Variants in MSMB observed in about 807,000 individuals in gnomAD.
MSMB encodes the protein beta-microseminoprotein.
MSMB carries 10 observed loss-of-function variants against 10.5 expected under a neutral mutation model. The observed-to-expected ratio is 0.95, with a 90% CI of 0.59 to 1.62. The LOEUF is 1.62. Ranked by LOEUF, MSMB falls within the 40% of genes most tolerant of loss-of-function variation. The pLI, the probability that MSMB is intolerant of heterozygous loss-of-function variation, is 0.00. For missense variants in MSMB, 126 were observed against 137.4 expected, an observed-to-expected ratio of 0.92 and a Z score of 0.42; for synonymous variants, 43 against 46.5, an observed-to-expected ratio of 0.93 and a Z score of 0.30.
intron 3 of MSMB, among the ~76,000 whole-genome samples, chr10:46,035,003 A>G (rs562663559): frequency 6.6e-6 from 1 of 152,230 alleles, no homozygotes; most frequent in Admixed American, 6.5e-5. Context: ...ATAAATAAAT[A>G]AAAATAGAAT....
At chr10:46,039,420 G>A (rs1163200707) in intron 2 of MSMB, among the ~76,000 whole-genome samples, 1 of 152,190 alleles carries the variant, frequency 6.6e-6, no homozygotes, top group Non-Finnish European at 1.5e-5. Context: ...CTCTGGATGA[G>A]AATCTCACTT....
At position 46,033,590 on chromosome 10, in the gene MSMB, A is replaced by G. The variant is rs782578603; in HGVS notation, c.216-39T>C. ...AAAACTGGGGCCTGTTAGAAGAGAAAGGACCCCGAGCACCCCCTCCCCAGT... is the reference window on the plus strand; with the variant it reads ...AAAACTGGGGCCTGTTAGAAGAGAAGGGACCCCGAGCACCCCCTCCCCAGT... On this transcript the variant is annotated intron_variant, in intron 3 of 3. Coordinates refer to ENST00000582163, the MANE Select transcript of MSMB (RefSeq NM_002443.4). The G allele has an allele frequency of 3.7e-6, 6 of 1,607,914 alleles. No homozygotes were observed. The Admixed American group carries it at 5.0e-5, about 13-fold the overall frequency.
chr10:46,039,074 A>G lies in MSMB; in HGVS notation c.110-3T>C. 2.5e-6 allele frequency: 4 copies of G among 1,612,662 alleles called. No individual in the cohort carries two copies. The highest frequency in any genetic ancestry group is 1.7e-4 in the Middle Eastern group (1 of 6,056). On this transcript the variant is annotated splice_polypyrimidine_tract_variant and splice_region_variant and intron_variant, in intron 2 of 3. Transcript: ENST00000582163. ...GTTTCCTTTGAGATCCATGCATTCTAAAATAATACACACAACATCATCAGT... is the reference window on the plus strand; with the variant it reads ...GTTTCCTTTGAGATCCATGCATTCTGAAATAATACACACAACATCATCAGT...
At chr10:46,045,130 C>A (rs73318181) in intron 1 of MSMB, among the ~76,000 whole-genome samples, 1,733 of 152,286 alleles carry the variant, frequency 0.011, 30 homozygotes, top group African/African-American at 0.039. Flanking sequence ...CCCTTGCAGC[C>A]CCCAGAGCAG....
At chr10:46,041,289 G>C (rs1285332962) in intron 1 of MSMB, among the ~76,000 whole-genome samples, 1 of 147,520 alleles carries the variant, frequency 6.8e-6, no homozygotes, top group Non-Finnish European at 1.5e-5. Flanking sequence ...AGGTTGCAGT[G>C]AGCCAAGATT....
In MSMB at chr10:46,046,234, C is replaced by A. The variant is rs782347577; in HGVS notation, c.3+1G>T. The stretch of plus-strand genomic sequence containing the variant: ...CTTTATATATAAAACCAGTTACCTA[C>A]CATTGTGATAAGCAGGACTCCTTAT... On this transcript the variant is annotated splice_donor_variant, in intron 1 of 3. Transcript: ENST00000582163. LOFTEE classifies it high-confidence loss of function. The A allele has an allele frequency of 4.3e-6, 7 of 1,611,950 alleles. No homozygotes were observed. The Admixed American group carries it at 6.7e-5, about 15-fold the overall frequency.
chr10:46,044,469 A>T (rs988267360), intron 1 of MSMB, among the ~76,000 whole-genome samples: 1 of 146,956 alleles, frequency 6.8e-6, no homozygotes, highest in Non-Finnish European at 1.5e-5. Flanking sequence ...CCAGCTACTC[A>T]GGAGGCTGAG....
At chr10:46,042,968 G>A (rs1840785530) in intron 1 of MSMB, among the ~76,000 whole-genome samples, 2 of 152,290 alleles carry the variant, frequency 1.3e-5, no homozygotes, top group Admixed American at 6.5e-5. Context: ...CTTTAAAAAT[G>A]ACACAACGCC....
At chr10:46,040,546 C>T (rs1840718250) in intron 1 of MSMB, among the ~76,000 whole-genome samples, 1 of 152,332 alleles carries the variant, frequency 6.6e-6, no homozygotes, top group Middle Eastern at 3.4e-3. Context: ...CCAGTTTTAG[C>T]TGACATGATG....
chr10:46,034,996 A>C (rs989865396), intron 3 of MSMB, among the ~76,000 whole-genome samples: 2 of 152,094 alleles, frequency 1.3e-5, no homozygotes, highest in Admixed American at 1.3e-4. Flanking sequence ...CAAATAAATA[A>C]ATAAATAAAA....
intron 3 of MSMB, among the ~76,000 whole-genome samples, chr10:46,034,597 G>A (rs529445593): frequency 4.6e-5 from 7 of 151,898 alleles, no homozygotes; most frequent in South Asian, 4.2e-4. Context: ...AGGCCGAGGC[G>A]GGCGGATCAC....
At position 46,033,410 on chromosome 10, in the gene MSMB, A is replaced by G. The variant is rs1336819048; in HGVS notation, c.*12T>C. 6.8e-6 allele frequency: 11 copies of G among 1,613,076 alleles called. No individual in the cohort carries two copies. The highest frequency in any genetic ancestry group is 2.7e-5 in the African/African-American group (2 of 74,922). On this transcript the variant is annotated 3_prime_UTR_variant, in exon 4 of 4. Transcript: ENST00000582163. The stretch of plus-strand genomic sequence containing the variant: ...GGCCTGGCCTGGGAGCCCTGTGCCT[A>G]CTAGAAGCACATTAGATTATCCATT...
chr10:46,037,481 T>C (rs1554927700), intron 3 of MSMB, among the ~76,000 whole-genome samples: 1 of 152,196 alleles, frequency 6.6e-6, no homozygotes, highest in Non-Finnish European at 1.5e-5. Context: ...AACAGGTAAA[T>C]TAGGACGGCA....
intron 1 of MSMB, among the ~76,000 whole-genome samples, chr10:46,041,558 C>T (rs1554928628): frequency 6.6e-6 from 1 of 152,074 alleles, no homozygotes; most frequent in African/African-American, 2.4e-5. Context: ...ATTTGGGAAG[C>T]TGAGGCAGGC....
At position 46,038,178 on chromosome 10, in the gene MSMB, T is replaced by G. The variant is rs75295699; in HGVS notation, c.215+788A>C. On this transcript the variant is annotated intron_variant, in intron 3 of 3. Transcript: ENST00000582163. The stretch of plus-strand genomic sequence containing the variant: ...GCTTCAGTTTTGCAGGATGAACAAG[T>G]TCTGGAGGTGGATGGTAGTGATGCC... Among the ~76,000 whole-genome samples, 1,138 of 152,252 alleles carry G rather than the reference T, an allele frequency of 7.5e-3. 8 individuals are homozygous for G. The highest frequency in any genetic ancestry group is 0.019 in the East Asian group (97 of 5,186).
At position 46,033,505 on chromosome 10, in the gene MSMB, AGAT is replaced by A. The variant is rs782338054; in HGVS notation, c.259_261del (p.Ile87del). The A allele has an allele frequency of 5.0e-6, 8 of 1,613,866 alleles. No individual in the cohort carries two copies. The South Asian group carries it at 8.8e-5, about 18-fold the overall frequency. On this transcript the variant is annotated inframe_deletion, in exon 4 of 4. Coordinates refer to ENST00000582163, the MANE Select transcript of MSMB (RefSeq NM_002443.4). ...ATATACTTGCAGTCCTCCTTCTTGA[AGAT>A]TCTTTGGCAGTTGTCTTTGTCATAA...
At position 46,033,331 on chromosome 10, in the gene MSMB, T is replaced by C. The variant is rs1401863882; in HGVS notation, c.*91A>G. 4 of 1,504,386 alleles carry C rather than the reference T, an allele frequency of 2.7e-6. No homozygotes were observed. The highest frequency in any genetic ancestry group is 3.6e-6 in the Non-Finnish European group (4 of 1,118,920). 93.2% of individuals were successfully genotyped at this position (1,504,386 alleles called of 1,614,324 possible). On this transcript the variant is annotated 3_prime_UTR_variant, in exon 4 of 4. Coordinates refer to ENST00000582163, the MANE Select transcript of MSMB (RefSeq NM_002443.4). Reference sequence around the variant, plus strand: ...TCAAGTGTTTGCTCAAAAATCTTTTTACTGATAGGCATGGCTACACAATCA... The same window carrying C: ...TCAAGTGTTTGCTCAAAAATCTTTTCACTGATAGGCATGGCTACACAATCA...
intron 2 of MSMB, among the ~76,000 whole-genome samples, chr10:46,039,317 G>A (rs1446729444): frequency 1.3e-5 from 2 of 152,180 alleles, no homozygotes; most frequent in Non-Finnish European, 2.9e-5. Context: ...TTTCAGAACA[G>A]ATATTTCAAG....
At chr10:46,045,252 C>T (rs1280526661) in intron 1 of MSMB, among the ~76,000 whole-genome samples, 1 of 152,156 alleles carries the variant, frequency 6.6e-6, no homozygotes, top group African/African-American at 2.4e-5. Context: ...TCTTTCTTGG[C>T]CAGGCACAGT....
Sources: gnomAD v4.1 joint callset for allele counts (sites outside exome capture counted in the v4.1 genomes callset) on GRCh38, gnomAD v4.1.1 for gene constraint, MANE v1.5 for transcripts, NCBI Gene and HGNC (gene_info 2026-07-23, HGNC 2026-07-21) for gene names.